The following CERS5 variants were observed in gnomAD, a reference collection of about 807,000 sequenced individuals.
The protein encoded by CERS5 is ceramide synthase 5.
In CERS5, 37 loss-of-function variants were observed where a neutral mutation model predicts 58.9. That is an observed-to-expected ratio of 0.63 (90% CI 0.48 to 0.83). CERS5 has a LOEUF of 0.83. CERS5 is among the 40% of genes least tolerant of loss of function. The pLI is 0.00. For missense variants in CERS5, 398 were observed against 489.3 expected (o/e 0.81, Z 1.76); for synonymous variants, 147 against 177.8 (o/e 0.83, Z 1.38).
intron 1 of CERS5, among the ~76,000 whole-genome samples, chr12:50,159,009 G>C (rs1045860678): frequency 3.3e-5 from 5 of 151,998 alleles, no homozygotes; most frequent in African/African-American, 1.2e-4. Flanking sequence ...TGCTTGGCTA[G>C]AAGCAACTGT....
At chr12:50,156,605 A>C (rs902966424) in intron 1 of CERS5, among the ~76,000 whole-genome samples, 3 of 151,602 alleles carry the variant, frequency 2.0e-5, no homozygotes, top group African/African-American at 7.3e-5. Context: ...TACTTAAAAA[A>C]TTTATCAGTA....
Position 50,130,490 on chromosome 12 carries a change from A to G in CERS5, c.*55T>C. 2 of 1,471,380 alleles carry G rather than the reference A, an allele frequency of 1.4e-6. No individual in the cohort carries two copies. The highest frequency in any genetic ancestry group is 2.4e-4 in the Middle Eastern group (1 of 4,226). 91.1% of individuals were successfully genotyped at this position (1,471,380 alleles called of 1,614,324 possible). On this transcript the variant is annotated 3_prime_UTR_variant, in exon 10 of 10. Coordinates refer to ENST00000317551, the MANE Select transcript of CERS5 (RefSeq NM_147190.5). ...AGATATGGGAAGGGCCAAGAGGAGT[A>G]TGTTGCCAGTGGCCCTACAAGTCCA...
chr12:50,130,738 G>C, intron 9 of CERS5, 44 bp from the exon 10 acceptor site: 1 of 1,523,202 alleles, frequency 6.6e-7, no homozygotes, highest in Non-Finnish European at 8.9e-7. Context: ...GGAAAGAACT[G>C]TAAGACACCT....
chr12:50,133,338 T>C (rs768998592), intron 9 of CERS5: 17 of 1,061,804 alleles, frequency 1.6e-5, no homozygotes, highest in Non-Finnish European at 1.7e-5. Flanking sequence ...AGTTCAATTA[T>C]GAGTTTATCA....
intron 8 of CERS5, 130 bp downstream of exon 8, chr12:50,135,602 T>C (rs770366609): frequency 1.3e-5 from 10 of 790,416 alleles, no homozygotes; most frequent in African/African-American, 8.4e-5. Flanking sequence ...AGCAGGGCAA[T>C]AGGGTTCTTG....
chr12:50,162,472 T>A (rs1939413913), intron 1 of CERS5, among the ~76,000 whole-genome samples: 1 of 152,156 alleles, frequency 6.6e-6, no homozygotes, highest in African/African-American at 2.4e-5. Flanking sequence ...GATTACTACA[T>A]AAATCATTTC....
At chr12:50,133,062 C>T (rs1385340699) in intron 9 of CERS5, 1 of 1,288,804 alleles carries the variant, frequency 7.8e-7, no homozygotes, top group South Asian at 1.2e-5. Flanking sequence ...CTGGACAGGT[C>T]ACCTAGTCAG....
rs116171468 is a variant in CERS5, at chr12:50,148,575, C to T, written c.198-4518G>A. 6.2e-3 allele frequency: 2,130 copies of T among 341,562 alleles called. 34 individuals carry two copies. Among genetic ancestry groups the T allele is most frequent in the African/African-American group, 0.043 (1,967 of 45,504 alleles). 21.2% of individuals were successfully genotyped at this position (341,562 alleles called of 1,614,324 possible). On this transcript the variant is annotated intron_variant, in intron 1 of 9. Coordinates refer to ENST00000317551, the MANE Select transcript of CERS5 (RefSeq NM_147190.5). Reference sequence around the variant, plus strand: ...TCTCACCACTGCACTCCAGTCTGGGCGACAAAGCAGACTCTGTCTCAATAA... The same window carrying T: ...TCTCACCACTGCACTCCAGTCTGGGTGACAAAGCAGACTCTGTCTCAATAA...
At chr12:50,148,521 C>T (rs1204159928) in intron 1 of CERS5, 1 of 329,268 alleles carries the variant, frequency 3.0e-6, no homozygotes, top group Non-Finnish European at 6.4e-6. Flanking sequence ...CTCTTGAACT[C>T]GGGAGACAGA....
intron 1 of CERS5, among the ~76,000 whole-genome samples, chr12:50,155,110 G>T (rs1008876106): frequency 2.6e-5 from 4 of 151,852 alleles, no homozygotes; most frequent in Admixed American, 2.0e-4. Flanking sequence ...CACCCACCTA[G>T]GCCTCCCAAA....
At chr12:50,148,772 G>A (rs1464552448) in intron 1 of CERS5, among the ~76,000 whole-genome samples, 1 of 151,180 alleles carries the variant, frequency 6.6e-6, no homozygotes, top group South Asian at 2.1e-4. Flanking sequence ...GGGCATGGTC[G>A]TGCACACCTG....
chr12:50,135,351 C>A, intron 8 of CERS5: 1 of 280,708 alleles, frequency 3.6e-6, no homozygotes, highest in Non-Finnish European at 6.9e-6. Context: ...GTGTGTGTGT[C>A]AGGGTTGGGA....
At chr12:50,149,045 T>C (rs1309201363) in intron 1 of CERS5, among the ~76,000 whole-genome samples, 1 of 149,554 alleles carries the variant, frequency 6.7e-6, no homozygotes. Context: ...TCTAAAACAG[T>C]AGACATTGAT....
At chr12:50,156,438 A>ATATATATATATATATATATATATATATAT (rs1555198356) in intron 1 of CERS5, among the ~76,000 whole-genome samples, 72 of 123,254 alleles carry the variant, frequency 5.8e-4, no homozygotes, top group Non-Finnish European at 7.5e-4. Flanking sequence ...ATATATATAT[A>ATATATATATATATATATATATATATATAT]AAACAATTAG....
chr12:50,134,744 T>A (rs1351745919), intron 8 of CERS5, 42 bp from the exon 9 acceptor site: 1 of 1,577,478 alleles, frequency 6.3e-7, no homozygotes, highest in Non-Finnish European at 8.6e-7. Context: ...GAGTCAAAGC[T>A]CAGCAGACAG....
chr12:50,166,053 T>C (rs1031566252), intron 1 of CERS5: 4 of 414,542 alleles, frequency 9.6e-6, no homozygotes, highest in South Asian at 7.0e-5. Flanking sequence ...CCGGGTGCGG[T>C]GGCTCACGCC....
intron 9 of CERS5, 121 bp from the exon 10 acceptor site, chr12:50,130,815 C>CAAAG: frequency 1.2e-6 from 1 of 815,498 alleles, no homozygotes; most frequent in Non-Finnish European, 1.9e-6. Context: ...ACATCTAACT[C>CAAAG]AAAGAAGTAT....
At position 50,134,357 on chromosome 12, in the gene CERS5, G is replaced by C. The variant is rs752965278; in HGVS notation, c.1029+189C>G. ...CCACTGAACTCCAGCCTGGGTGACA[G>C]AGCAAGACCTTGTCTCTAAAATAAA... On this transcript the variant is annotated intron_variant, in intron 9 of 9. Coordinates refer to ENST00000317551, the MANE Select transcript of CERS5 (RefSeq NM_147190.5). 18 of 1,468,074 alleles carry C rather than the reference G, an allele frequency of 1.2e-5. No individual in the cohort carries two copies. In the East Asian group the frequency reaches 3.8e-4, roughly 31 times the overall value. The allele number at this position is 1,468,074 out of a possible 1,614,324, so 90.9% of individuals were successfully genotyped here.
At chr12:50,156,361 G>A (rs1439860179) in intron 1 of CERS5, among the ~76,000 whole-genome samples, 8 of 144,436 alleles carry the variant, frequency 5.5e-5, no homozygotes, top group Admixed American at 2.9e-4. Flanking sequence ...CCAACATCAC[G>A]CCACTGCACT....
Sources: gnomAD v4.1 joint callset for allele counts (sites outside exome capture counted in the v4.1 genomes callset) on GRCh38, gnomAD v4.1.1 for gene constraint, MANE v1.5 for transcripts, NCBI Gene and HGNC (gene_info 2026-07-23, HGNC 2026-07-21) for gene names.